The following PCDHA10 variants were observed in gnomAD, a reference collection of about 807,000 sequenced individuals.
PCDHA10 encodes the protein protocadherin alpha 10.
A neutral mutation model predicts 61.2 loss-of-function variants in PCDHA10; 45 were observed. The observed-to-expected ratio is 0.74, with a 90% confidence interval of 0.58 to 0.94. PCDHA10 has a LOEUF of 0.94. PCDHA10 is among the 40% of genes least tolerant of loss of function. The pLI is 0.00. For missense variants in PCDHA10, 1,278 were observed against 1,236.2 expected (o/e 1.03, Z -0.51); for synonymous variants, 602 against 548.8 (o/e 1.10, Z -1.35).
intron 1 of PCDHA10, chr5:140,868,917 AAGTT>A: frequency 1.0e-6 from 1 of 955,956 alleles, no homozygotes; most frequent in Non-Finnish European, 1.5e-6. Flanking sequence ...ACTTGGTGGA[AAGTT>A]CATTTAAAGG....
At chr5:140,928,810 G>T (rs143843461) in intron 1 of PCDHA10, 1 of 1,614,106 alleles carries the variant, frequency 6.2e-7, no homozygotes. Context: ...AGTGGTTCGG[G>T]ACCATGGAGA....
Position 140,927,792 on chromosome 5 carries a change from T to C in PCDHA10, c.2389-51157T>C, listed in dbSNP as rs12522306. On this transcript the variant is annotated intron_variant, in intron 1 of 3. Coordinates refer to ENST00000307360, the MANE Select transcript of PCDHA10 (RefSeq NM_018901.4). The stretch of plus-strand genomic sequence containing the variant: ...AGGTGCAAGTAGCTGCTTCACTAGG[T>C]CCGCCTGAAACGCTCTTGGAGGCAT... 8,419 of 1,614,148 alleles carry C rather than the reference T, an allele frequency of 5.2e-3. 630 individuals carry two copies. The Admixed American group carries it at 0.13, about 25-fold the overall frequency.
At chr5:140,858,645 T>C (rs2045537080) in intron 1 of PCDHA10, 1 of 818,880 alleles carries the variant, frequency 1.2e-6, no homozygotes, top group Non-Finnish European at 1.9e-6. Context: ...TGATTGGTAC[T>C]TAAATTTTTT....
chr5:140,986,897 T>A (rs534075146), intron 3 of PCDHA10, among the ~76,000 whole-genome samples: 13 of 152,086 alleles, frequency 8.5e-5, no homozygotes, highest in Non-Finnish European at 1.9e-4. Flanking sequence ...TTAGGCCCTA[T>A]CCTAGACTAA....
Position 140,884,123 on chromosome 5 carries a change from C to T in PCDHA10, c.2388+25687C>T, listed in dbSNP as rs1360744073. 2.5e-6 allele frequency: 4 copies of T among 1,613,230 alleles called. No homozygotes were observed. The African/African-American group carries it at 4.0e-5, about 16-fold the overall frequency. ...ATTGCAGCTGGCGGCGGTCGGCGCGCGCATCCCGTTCCGCGTGGGGCTGTA... is the reference window on the plus strand; with the variant it reads ...ATTGCAGCTGGCGGCGGTCGGCGCGTGCATCCCGTTCCGCGTGGGGCTGTA... On this transcript the variant is annotated intron_variant, in intron 1 of 3. Coordinates refer to ENST00000307360, the MANE Select transcript of PCDHA10 (RefSeq NM_018901.4).
At chr5:140,973,972 G>A (rs1467007704) in intron 1 of PCDHA10, among the ~76,000 whole-genome samples, 1 of 152,186 alleles carries the variant, frequency 6.6e-6, no homozygotes, top group Non-Finnish European at 1.5e-5. Flanking sequence ...TTTAAATGTG[G>A]CTTTTACAGA....
chr5:140,966,958 G>C (rs561982676), intron 1 of PCDHA10: 1 of 1,602,498 alleles, frequency 6.2e-7, no homozygotes, highest in South Asian at 1.1e-5. Context: ...TGGCTCGCGC[G>C]CTGGGGCTTG....
intron 3 of PCDHA10, among the ~76,000 whole-genome samples, chr5:141,005,884 T>A (rs1554260408): frequency 6.6e-6 from 1 of 151,744 alleles, no homozygotes; most frequent in Non-Finnish European, 1.5e-5. Context: ...GAGTTTGAGG[T>A]TACATCAAGC....
In PCDHA10 at chr5:141,009,991, T is replaced by G. The variant is rs929729966; in HGVS notation, c.*54T>G. Reference sequence around the variant, plus strand: ...CCAGTTTTTGTAATAATGGCAAATCTCTCCCATGTAGCAATTCCCTGCTCC... The same window carrying G: ...CCAGTTTTTGTAATAATGGCAAATCGCTCCCATGTAGCAATTCCCTGCTCC... On this transcript the variant is annotated 3_prime_UTR_variant, in exon 4 of 4. Coordinates refer to ENST00000307360, the MANE Select transcript of PCDHA10 (RefSeq NM_018901.4). 13 of 1,578,088 alleles carry G rather than the reference T, an allele frequency of 8.2e-6. No individual in the cohort carries two copies. In the East Asian group the frequency reaches 2.5e-4, roughly 30 times the overall value.
At chr5:140,861,641 G>T (rs193008750) in intron 1 of PCDHA10, 38 of 298,444 alleles carry the variant, frequency 1.3e-4, no homozygotes, top group Admixed American at 1.2e-3. Flanking sequence ...CAACACAAAA[G>T]AATCTGTTTC....
chr5:140,892,555 T>C (rs1554185273), intron 1 of PCDHA10, among the ~76,000 whole-genome samples: 1 of 152,260 alleles, frequency 6.6e-6, no homozygotes, highest in African/African-American at 2.4e-5. Context: ...TCTCTAGTCC[T>C]TGGAGACTGT....
chr5:140,967,601 C>A lies in PCDHA10; in HGVS notation c.2389-11348C>A, dbSNP rs782574259. The A allele has an allele frequency of 9.3e-6, 15 of 1,614,144 alleles. No individual in the cohort carries two copies. The highest frequency in any genetic ancestry group is 1.3e-5 in the Non-Finnish European group (15 of 1,180,034). ...ACCCCCAGGCACATTGGTGGTGAAGCTGAATGCCTCAGACCCGGATGAGGG... is the reference window on the plus strand; with the variant it reads ...ACCCCCAGGCACATTGGTGGTGAAGATGAATGCCTCAGACCCGGATGAGGG... On this transcript the variant is annotated intron_variant, in intron 1 of 3. Transcript: ENST00000307360.
chr5:140,964,000 T>C (rs900134447), intron 1 of PCDHA10, among the ~76,000 whole-genome samples: 2 of 152,218 alleles, frequency 1.3e-5, no homozygotes, highest in African/African-American at 2.4e-5. Flanking sequence ...TACTGTGTTC[T>C]ACTTTTTAAT....
At chr5:140,950,159 T>C (rs983239055) in intron 1 of PCDHA10, among the ~76,000 whole-genome samples, 3 of 151,972 alleles carry the variant, frequency 2.0e-5, no homozygotes, top group Non-Finnish European at 4.4e-5. Flanking sequence ...AAGCAGTTAT[T>C]ATGTACTTTA....
chr5:141,007,722 A>G (rs559470783), intron 3 of PCDHA10, among the ~76,000 whole-genome samples: 30 of 152,290 alleles, frequency 2.0e-4, no homozygotes, highest in African/African-American at 6.5e-4. Flanking sequence ...ACCAGGGAGA[A>G]CAAAGGTTAA....
At chr5:140,955,187 T>C (rs1230644276) in intron 1 of PCDHA10, among the ~76,000 whole-genome samples, 1 of 152,198 alleles carries the variant, frequency 6.6e-6, no homozygotes, top group Non-Finnish European at 1.5e-5. Flanking sequence ...TTTTGTGGTG[T>C]ATATGAAGTC....
intron 1 of PCDHA10, among the ~76,000 whole-genome samples, chr5:140,901,870 TTTC>T (rs2068953949): frequency 6.6e-6 from 1 of 152,202 alleles, no homozygotes. Flanking sequence ...TCCTCTTCAA[TTTC>T]TTTCATCAGC....
intron 1 of PCDHA10, among the ~76,000 whole-genome samples, chr5:140,921,271 A>C (rs1190111273): frequency 1.3e-5 from 2 of 152,142 alleles, no homozygotes; most frequent in East Asian, 1.9e-4. Flanking sequence ...TTTTATACTT[A>C]CTTGAAAAAA....
chr5:140,982,689 T>A, intron 3 of PCDHA10, 126 bp downstream of exon 3: 1 of 1,413,688 alleles, frequency 7.1e-7, no homozygotes, highest in Non-Finnish European at 9.3e-7. Context: ...CTTTTTTCCA[T>A]ACATACATGA....
Sources: gnomAD v4.1 joint callset for allele counts (sites outside exome capture counted in the v4.1 genomes callset) on GRCh38, gnomAD v4.1.1 for gene constraint, MANE v1.5 for transcripts, NCBI Gene and HGNC (gene_info 2026-07-23, HGNC 2026-07-21) for gene names.